The following ESRRG variants were observed in gnomAD, a reference collection of about 807,000 sequenced individuals.
The protein encoded by ESRRG is estrogen related receptor gamma.
In ESRRG, 13 loss-of-function variants were observed where a neutral mutation model predicts 44.0. That is an observed-to-expected ratio of 0.30 (90% CI 0.19 to 0.47). The LOEUF is 0.47. Ranked by LOEUF, ESRRG falls within the 20% of genes least tolerant of loss-of-function variation. ESRRG has a pLI of 1.00. For synonymous variants in ESRRG, 215 were observed against 214.6 expected (o/e 1.00, Z -0.02); for missense variants, 395 against 580.6 (o/e 0.68, Z 3.29).
At chr1:217,045,314 CA>C (rs1283195249) in intron 1 of ESRRG, among the ~76,000 whole-genome samples, 1 of 152,106 alleles carries the variant, frequency 6.6e-6, no homozygotes, top group African/African-American at 2.4e-5. Context: ...AAGACCAGGT[CA>C]AAGGAAGTTC....
intron 1 of ESRRG, among the ~76,000 whole-genome samples, chr1:217,045,121 AT>A (rs1212451534): frequency 6.6e-6 from 1 of 152,170 alleles, no homozygotes; most frequent in African/African-American, 2.4e-5. Flanking sequence ...GGGGAAATAT[AT>A]TTTTTTAAAT....
intron 3 of ESRRG, among the ~76,000 whole-genome samples, chr1:216,644,787 T>A (rs1027032377): frequency 1.3e-5 from 2 of 152,154 alleles, no homozygotes; most frequent in African/African-American, 4.8e-5. Flanking sequence ...AAAATGGGTA[T>A]CAATAAAACA....
intron 1 of ESRRG, among the ~76,000 whole-genome samples, chr1:217,112,675 G>T (rs1293557653): frequency 6.6e-6 from 1 of 152,192 alleles, no homozygotes; most frequent in Non-Finnish European, 1.5e-5. Flanking sequence ...TCTAGGATTT[G>T]CTAGGTTTCA....
At chr1:216,916,032 CTGTG>C (rs142010675) in intron 2 of ESRRG, among the ~76,000 whole-genome samples, 1 of 151,256 alleles carries the variant, frequency 6.6e-6, no homozygotes, top group Admixed American at 6.6e-5. Context: ...TTCTCTACCA[CTGTG>C]TGTGTGTGTG....
intron 2 of ESRRG, among the ~76,000 whole-genome samples, chr1:216,925,111 C>G (rs994627832): frequency 6.6e-6 from 1 of 152,274 alleles, no homozygotes; most frequent in South Asian, 2.1e-4. Context: ...GGGACTTAAA[C>G]AGGATGGCTC....
intron 1 of ESRRG, among the ~76,000 whole-genome samples, chr1:217,079,410 A>G (rs999908032): frequency 6.6e-6 from 1 of 152,212 alleles, no homozygotes; most frequent in African/African-American, 2.4e-5. Flanking sequence ...TCCCTTACTT[A>G]TCTGAAAGCC....
At chr1:216,808,126 C>G (rs1270251306) in intron 2 of ESRRG, among the ~76,000 whole-genome samples, 1 of 152,110 alleles carries the variant, frequency 6.6e-6, no homozygotes, top group African/African-American at 2.4e-5. Context: ...AATTGAGACT[C>G]CTTTCAGGGA....
chr1:216,814,671 G>A (rs996786597), intron 2 of ESRRG, among the ~76,000 whole-genome samples: 28 of 152,212 alleles, frequency 1.8e-4, no homozygotes, highest in Middle Eastern at 3.4e-3. Context: ...TGTATTGCTT[G>A]AGGCAAAATA....
intron 1 of ESRRG, among the ~76,000 whole-genome samples, chr1:217,016,888 A>G (rs1579538645): frequency 6.6e-6 from 1 of 152,202 alleles, no homozygotes; most frequent in South Asian, 2.1e-4. Flanking sequence ...ATATCTAGGC[A>G]TACGTCCATA....
intron 1 of ESRRG, among the ~76,000 whole-genome samples, chr1:217,124,659 C>T (rs1305826155): frequency 2.0e-5 from 3 of 152,072 alleles, no homozygotes; most frequent in African/African-American, 7.2e-5. Flanking sequence ...TCACTTTGTT[C>T]TACTTAGATA....
chr1:216,816,030 A>G (rs1395490410), intron 2 of ESRRG, among the ~76,000 whole-genome samples: 3 of 152,198 alleles, frequency 2.0e-5, no homozygotes, highest in African/African-American at 4.8e-5. Context: ...ACAACGCTGC[A>G]GCTCCTCTGC....
intron 2 of ESRRG, among the ~76,000 whole-genome samples, chr1:216,812,241 C>T (rs918565998): frequency 1.3e-5 from 2 of 151,884 alleles, no homozygotes; most frequent in Non-Finnish European, 2.9e-5. Flanking sequence ...TTTTTTTAAC[C>T]TTGTCTGTTT....
chr1:217,019,678 T>C (rs1415596345), intron 1 of ESRRG, among the ~76,000 whole-genome samples: 2 of 152,204 alleles, frequency 1.3e-5, no homozygotes, highest in Non-Finnish European at 2.9e-5. Context: ...GTCATATTCG[T>C]TCTTTTCTTC....
intron 2 of ESRRG, among the ~76,000 whole-genome samples, chr1:216,659,625 C>T (rs1413367396): frequency 4.6e-5 from 7 of 152,172 alleles, no homozygotes; most frequent in Non-Finnish European, 8.8e-5. Context: ...CATGGCATTA[C>T]CTGAAGTTCC....
chr1:216,523,266 G>T (rs1020393161), intron 5 of ESRRG, among the ~76,000 whole-genome samples: 1 of 151,992 alleles, frequency 6.6e-6, no homozygotes, highest in African/African-American at 2.4e-5. Flanking sequence ...TCTCTACCTT[G>T]ACCCGCAGTT....
chr1:216,553,674 C>G (rs2056917418), intron 5 of ESRRG, among the ~76,000 whole-genome samples: 1 of 152,038 alleles, frequency 6.6e-6, no homozygotes, highest in South Asian at 2.1e-4. Context: ...TTCCAAAATA[C>G]AATGCACTAG....
intron 2 of ESRRG, among the ~76,000 whole-genome samples, chr1:216,848,684 A>G (rs1456171248): frequency 6.6e-6 from 1 of 151,986 alleles, no homozygotes; most frequent in African/African-American, 2.4e-5. Context: ...TTGCCTACCA[A>G]TTTGCAGCAA....
At chr1:216,511,311 C>CAG (rs766603711) in intron 6 of ESRRG, among the ~76,000 whole-genome samples, 2 of 152,070 alleles carry the variant, frequency 1.3e-5, no homozygotes, top group Non-Finnish European at 2.9e-5. Flanking sequence ...TGCCACCTAA[C>CAG]AGAGTGGTTC....
chr1:217,088,317 A>G (rs1210754964), intron 1 of ESRRG, among the ~76,000 whole-genome samples: 1 of 145,814 alleles, frequency 6.9e-6, no homozygotes. Flanking sequence ...ATTAGGCAGG[A>G]GTGTTTTGAA....
Sources: gnomAD v4.1 joint callset for allele counts (sites outside exome capture counted in the v4.1 genomes callset) on GRCh38, gnomAD v4.1.1 for gene constraint, MANE v1.5 for transcripts, NCBI Gene and HGNC (gene_info 2026-07-23, HGNC 2026-07-21) for gene names.